CREB5: variants seen among roughly 807,000 people sequenced by gnomAD.
The protein encoded by CREB5 is cAMP responsive element binding protein 5.
A neutral mutation model predicts 57.1 loss-of-function variants in CREB5; 19 were observed. The ratio of observed to expected loss-of-function variants is 0.33; its 90% CI spans 0.23 to 0.49. The LOEUF is 0.49. Ranked by LOEUF, CREB5 falls within the 20% of genes least tolerant of loss-of-function variation. CREB5 has a pLI of 0.99. For synonymous variants in CREB5, 238 were observed against 238.3 expected (o/e 1.00, Z 0.01); for missense variants, 579 against 671.6 (o/e 0.86, Z 1.52).
intron 1 of CREB5, among the ~76,000 whole-genome samples, chr7:28,462,626 GT>G (rs547789684): frequency 2.0e-5 from 3 of 152,292 alleles, no homozygotes; most frequent in South Asian, 4.1e-4. Context: ...TGGGTATGAA[GT>G]GGTATCTCAC....
At chr7:28,580,597 G>C (rs978353266) in intron 5 of CREB5, among the ~76,000 whole-genome samples, 14 of 116,170 alleles carry the variant, frequency 1.2e-4, no homozygotes, top group Non-Finnish European at 2.4e-4. Flanking sequence ...GTGTGTGAGA[G>C]AGAGATAGAC....
At chr7:28,508,825 C>T (rs780284314) in intron 4 of CREB5, among the ~76,000 whole-genome samples, 1 of 152,146 alleles carries the variant, frequency 6.6e-6, no homozygotes, top group Non-Finnish European at 1.5e-5. Context: ...TCCACTCCCC[C>T]TCAAAGGATA....
intron 5 of CREB5, among the ~76,000 whole-genome samples, chr7:28,582,316 G>T (rs534677047): frequency 1.1e-4 from 16 of 152,304 alleles, no homozygotes; most frequent in African/African-American, 3.8e-4. Context: ...CATCAGCAAG[G>T]AGTTTAATAA....
chr7:28,412,976 T>C, intron 1 of CREB5, 59 bp downstream of exon 1: 1 of 1,348,588 alleles, frequency 7.4e-7, no homozygotes, highest in Non-Finnish European at 9.8e-7. Context: ...CTTAGTTAAA[T>C]AGAACCAATG....
At chr7:28,374,724 C>G (rs1181029677) in intron 1 of CREB5, among the ~76,000 whole-genome samples, 2 of 152,144 alleles carry the variant, frequency 1.3e-5, no homozygotes, top group Non-Finnish European at 2.9e-5. Flanking sequence ...GAAACAATTT[C>G]AGTTCCCAAC....
At chr7:28,496,145 G>C (rs560552948) in intron 3 of CREB5, among the ~76,000 whole-genome samples, 13 of 152,272 alleles carry the variant, frequency 8.5e-5, no homozygotes, top group African/African-American at 3.1e-4. Context: ...GAGATTCAGT[G>C]AAAGAATGTA....
chr7:28,645,455 T>C (rs1038616690), intron 5 of CREB5, among the ~76,000 whole-genome samples: 1 of 152,180 alleles, frequency 6.6e-6, no homozygotes, highest in Admixed American at 6.5e-5. Context: ...CTGTGCCCAA[T>C]AGGGTGATTT....
intron 4 of CREB5, among the ~76,000 whole-genome samples, chr7:28,544,951 A>C (rs1299442852): frequency 6.6e-6 from 1 of 152,212 alleles, no homozygotes; most frequent in Non-Finnish European, 1.5e-5. Flanking sequence ...AGTAACTGAC[A>C]AATTATCATA....
At chr7:28,597,783 G>C (rs976053276) in intron 5 of CREB5, among the ~76,000 whole-genome samples, 2 of 152,132 alleles carry the variant, frequency 1.3e-5, no homozygotes, top group Non-Finnish European at 2.9e-5. Context: ...ATTCCCTCTC[G>C]AAGTGGGGAC....
intron 7 of CREB5, among the ~76,000 whole-genome samples, chr7:28,785,482 C>T (rs570613076): frequency 6.6e-6 from 1 of 152,348 alleles, no homozygotes; most frequent in East Asian, 1.9e-4. Flanking sequence ...TTTTCATCCA[C>T]TGCCCTGAAA....
At chr7:28,726,946 C>A (rs1475926194) in intron 7 of CREB5, among the ~76,000 whole-genome samples, 4 of 151,996 alleles carry the variant, frequency 2.6e-5, no homozygotes, top group Admixed American at 2.6e-4. Flanking sequence ...GCTTTAAATG[C>A]ACAATTTTGT....
intron 1 of CREB5, among the ~76,000 whole-genome samples, chr7:28,350,152 C>T (rs1055532900): frequency 5.9e-5 from 9 of 152,124 alleles, no homozygotes; most frequent in Non-Finnish European, 1.0e-4. Context: ...AAGGTTAACA[C>T]AAGGAGTAAA....
At chr7:28,575,694 T>C (rs1032269630) in intron 5 of CREB5, among the ~76,000 whole-genome samples, 3 of 152,264 alleles carry the variant, frequency 2.0e-5, no homozygotes, top group African/African-American at 7.2e-5. Flanking sequence ...CTGCTTTGTG[T>C]TTTGCTGAAT....
chr7:28,751,506 C>T (rs747814884), intron 7 of CREB5, among the ~76,000 whole-genome samples: 6 of 152,192 alleles, frequency 3.9e-5, no homozygotes, highest in African/African-American at 1.2e-4. Flanking sequence ...CAAATATCTA[C>T]GAGGATCCAG....
intron 1 of CREB5, among the ~76,000 whole-genome samples, chr7:28,336,356 A>G (rs890050221): frequency 6.6e-6 from 1 of 152,006 alleles, no homozygotes; most frequent in Non-Finnish European, 1.5e-5. Context: ...ACTTTTTATT[A>G]TGGCTTTGAT....
At chr7:28,572,548 G>T (rs1372030068) in intron 5 of CREB5, among the ~76,000 whole-genome samples, 1 of 152,174 alleles carries the variant, frequency 6.6e-6, no homozygotes, top group Non-Finnish European at 1.5e-5. Context: ...CATAAAATGT[G>T]CTAGAGTTTA....
At chr7:28,386,665 C>A (rs1462686336) in intron 1 of CREB5, among the ~76,000 whole-genome samples, 3 of 152,178 alleles carry the variant, frequency 2.0e-5, no homozygotes, top group African/African-American at 7.2e-5. Context: ...TGATTCTATT[C>A]TCCATTTCTC....
At chr7:28,456,414 C>G (rs550524332) in intron 1 of CREB5, among the ~76,000 whole-genome samples, 11 of 152,284 alleles carry the variant, frequency 7.2e-5, no homozygotes, top group African/African-American at 2.6e-4. Context: ...ATTTCCTTTG[C>G]TCTTGGAAAA....
At chr7:28,318,543 A>G (rs535793114) in intron 1 of CREB5, among the ~76,000 whole-genome samples, 63 of 152,356 alleles carry the variant, frequency 4.1e-4, no homozygotes, top group African/African-American at 1.5e-3. Flanking sequence ...ACATATTTCC[A>G]ACATCACTGA....
Sources: gnomAD v4.1 joint callset for allele counts (sites outside exome capture counted in the v4.1 genomes callset) on GRCh38, gnomAD v4.1.1 for gene constraint, MANE v1.5 for transcripts, NCBI Gene and HGNC (gene_info 2026-07-23, HGNC 2026-07-21) for gene names.